The following NTRK3 variants were observed in gnomAD, a reference collection of about 807,000 sequenced individuals.
NTRK3 encodes the protein neurotrophic receptor tyrosine kinase 3, also known as NT-3 growth factor receptor.
Under a neutral mutation model 91.7 loss-of-function variants are expected in NTRK3, and 24 were observed. The ratio of observed to expected loss-of-function variants is 0.26; its 90% CI spans 0.19 to 0.37. The LOEUF is 0.37. Among genes scored for constraint, NTRK3 ranks in the 10% least tolerant of loss-of-function variants. The pLI is 1.00. For synonymous variants in NTRK3, 483 were observed against 404.0 expected (o/e 1.20, Z -2.34); for missense variants, 880 against 1,068.9 (o/e 0.82, Z 2.46).
chr15:88,072,662 C>G (rs536148866), intron 13 of NTRK3: 20 of 232,698 alleles, frequency 8.6e-5, no homozygotes, highest in African/African-American at 4.4e-4. Context: ...ATGAGACACC[C>G]TTGGTTTGAA....
chr15:87,865,239 T>G (rs952867888), exon 19 of NTRK3: 3 of 206,206 alleles, frequency 1.5e-5, no homozygotes, highest in African/African-American at 2.3e-5. Context: ...GATTGTTGCT[T>G]GGAGATCTAT....
intron 13 of NTRK3, among the ~76,000 whole-genome samples, chr15:88,081,626 G>A (rs1165129203): frequency 1.3e-5 from 2 of 152,200 alleles, no homozygotes; most frequent in East Asian, 1.9e-4. Flanking sequence ...GGAGGCAAGG[G>A]CTGTGTGGGC....
chr15:87,867,636 A>G, exon 19 of NTRK3: 1 of 229,664 alleles, frequency 4.4e-6, no homozygotes, highest in East Asian at 6.2e-5. Context: ...GTGACAATCT[A>G]GCAGGCTTGC....
chr15:88,098,318 C>T (rs187513620), intron 13 of NTRK3, among the ~76,000 whole-genome samples: 2 of 152,334 alleles, frequency 1.3e-5, no homozygotes, highest in Admixed American at 6.5e-5. Flanking sequence ...AATCTGTTGA[C>T]GTAGCATCTA....
chr15:88,137,298 G>C, intron 7 of NTRK3, 106 bp downstream of exon 7: 1 of 1,354,946 alleles, frequency 7.4e-7, no homozygotes, highest in Non-Finnish European at 1.0e-6. Flanking sequence ...CTGGGAGGGC[G>C]TTTCGAAAGG....
At chr15:87,911,586 C>T (rs74485509) in intron 17 of NTRK3, among the ~76,000 whole-genome samples, 1,861 of 152,304 alleles carry the variant, frequency 0.012, 46 homozygotes, top group African/African-American at 0.042. Context: ...CTATCTCTAG[C>T]GTTTTCCAAT....
intron 13 of NTRK3, among the ~76,000 whole-genome samples, chr15:88,057,314 T>C (rs906540016): frequency 2.7e-5 from 4 of 150,134 alleles, no homozygotes; most frequent in African/African-American, 4.9e-5. Context: ...CTGGCCAACA[T>C]GGCGAAACCC....
chr15:88,067,953 C>G (rs2046796069), intron 13 of NTRK3, among the ~76,000 whole-genome samples: 1 of 152,148 alleles, frequency 6.6e-6, no homozygotes, highest in Non-Finnish European at 1.5e-5. Flanking sequence ...ATACCTTTTA[C>G]AGCAGTTTTT....
chr15:88,162,423 A>G (rs1336429017), intron 5 of NTRK3, among the ~76,000 whole-genome samples: 1 of 152,078 alleles, frequency 6.6e-6, no homozygotes, highest in Non-Finnish European at 1.5e-5. Flanking sequence ...TAAAGAGAAC[A>G]CCTCCAAAGC....
chr15:88,121,657 C>A (rs1004932058), intron 13 of NTRK3, among the ~76,000 whole-genome samples: 1 of 152,188 alleles, frequency 6.6e-6, no homozygotes, highest in African/African-American at 2.4e-5. Flanking sequence ...CAAGTACACA[C>A]CTCCCAACCA....
At chr15:88,161,961 C>T (rs938317989) in intron 5 of NTRK3, among the ~76,000 whole-genome samples, 2 of 152,202 alleles carry the variant, frequency 1.3e-5, no homozygotes, top group African/African-American at 4.8e-5. Flanking sequence ...CCTCTGTGTA[C>T]ATCAGAGCAA....
chr15:87,931,436 T>C (rs2068790440), intron 16 of NTRK3, among the ~76,000 whole-genome samples: 1 of 152,340 alleles, frequency 6.6e-6, no homozygotes, highest in South Asian at 2.1e-4. Flanking sequence ...ACTGAACTAC[T>C]TGCAAAACTT....
At chr15:87,870,238 G>A (rs1265892575) in exon 19 of NTRK3, 1 of 185,036 alleles carries the variant, frequency 5.4e-6, no homozygotes, top group Admixed American at 6.3e-5. Flanking sequence ...ATGTATGATG[G>A]AATACTACTC....
At chr15:88,089,216 T>A (rs952497188) in intron 13 of NTRK3, among the ~76,000 whole-genome samples, 17 of 152,308 alleles carry the variant, frequency 1.1e-4, no homozygotes, top group African/African-American at 4.1e-4. Context: ...GCCCTACCAC[T>A]TCCTGGCTTT....
rs1449236815 is a variant in NTRK3 at position 88,127,146 on chromosome 15, C to T, written c.1293+16G>A. ...ATGCCAGTCAACACACTCCTCTTGACCAAGAAGTGACTCACCCCAAAAGTG... is the reference window on the plus strand; with the variant it reads ...ATGCCAGTCAACACACTCCTCTTGATCAAGAAGTGACTCACCCCAAAAGTG... On this transcript the variant is annotated intron_variant, in intron 12 of 18. Coordinates refer to ENST00000394480, the Ensembl canonical transcript of NTRK3. 1 of 1,611,076 alleles carries T rather than the reference C, an allele frequency of 6.2e-7. No individual in the cohort carries two copies. Among genetic ancestry groups the T allele is most frequent in the East Asian group, 2.2e-5 (1 of 44,872 alleles).
intron 13 of NTRK3, among the ~76,000 whole-genome samples, chr15:88,039,363 A>G (rs922739718): frequency 3.3e-5 from 5 of 152,188 alleles, no homozygotes; most frequent in Admixed American, 6.5e-5. Context: ...TCTCAATATC[A>G]TATTATTCTC....
At chr15:88,080,019 C>G (rs971338494) in intron 13 of NTRK3, among the ~76,000 whole-genome samples, 5 of 151,966 alleles carry the variant, frequency 3.3e-5, no homozygotes, top group Non-Finnish European at 7.4e-5. Flanking sequence ...TTTTTCATGT[C>G]TTTACATATT....
Position 87,961,446 on chromosome 15 carries a change from G to A in NTRK3, c.1586-20693C>T, listed in dbSNP as rs535871910. Reference sequence around the variant, plus strand: ...CCTTCTAGGGAGATTTTTTAAAGTCGCATTTAATTGATGCCTTAGCTAATA... The same window carrying A: ...CCTTCTAGGGAGATTTTTTAAAGTCACATTTAATTGATGCCTTAGCTAATA... On this transcript the variant is annotated intron_variant, in intron 14 of 18. Transcript: ENST00000394480. Among the ~76,000 whole-genome samples the A allele has an allele frequency of 7.9e-5, 12 of 152,334 alleles. No individual in the cohort carries two copies. The South Asian group carries it at 1.5e-3, about 18-fold the overall frequency.
intron 13 of NTRK3, chr15:88,073,019 G>T (rs1217246699): frequency 5.1e-6 from 1 of 195,984 alleles, no homozygotes; most frequent in African/African-American, 2.3e-5. Flanking sequence ...GGAAAAATGG[G>T]GCTCAGGTAG....
Sources: allele counts gnomAD v4.1 joint callset (sites outside exome capture counted in the v4.1 genomes callset), GRCh38; gene constraint gnomAD v4.1.1; transcripts MANE v1.5; gene names NCBI Gene and HGNC (gene_info 2026-07-23, HGNC 2026-07-21).